Variants in ARHGEF28 observed in about 807,000 individuals in gnomAD.
The protein encoded by ARHGEF28 is Rho guanine nucleotide exchange factor 28, also known as 190 kDa guanine nucleotide exchange factor.
A neutral mutation model predicts 206.6 loss-of-function variants in ARHGEF28; 152 were observed. That is an observed-to-expected ratio of 0.74 (90% CI 0.64 to 0.84). The LOEUF (loss-of-function observed/expected upper bound fraction) is 0.84. Among genes scored for constraint, ARHGEF28 ranks in the 40% least tolerant of loss-of-function variants. The pLI is 0.00. For missense variants in ARHGEF28, 2,028 were observed against 2,073.2 expected (o/e 0.98, Z 0.42); for synonymous variants, 763 against 776.4 (o/e 0.98, Z 0.29).
intron 27 of ARHGEF28, 92 bp from the exon 28 acceptor site, chr5:73,893,105 A>G: frequency 1.9e-6 from 2 of 1,069,076 alleles, no homozygotes; most frequent in Non-Finnish European, 2.6e-6. Flanking sequence ...CTTTATGAAT[A>G]AATCTATTGC....
intron 22 of ARHGEF28, among the ~76,000 whole-genome samples, chr5:73,876,974 T>G (rs1417144995): frequency 4.8e-5 from 7 of 144,792 alleles, no homozygotes; most frequent in African/African-American, 1.8e-4. Flanking sequence ...TTCTATTGAT[T>G]GGAATAGTTT....
Position 73,904,269 on chromosome 5 carries a change from C to T in ARHGEF28, c.4113+9C>T. ...GTTCTTCACAATCAGAGGTGAGCTG[C>T]TGCACATACCTTAAATGTATCACCA... On this transcript the variant is annotated intron_variant, in intron 32 of 35. Transcript: ENST00000513042. The T allele has an allele frequency of 6.2e-7, 1 of 1,613,840 alleles. No individual in the cohort carries two copies. The highest frequency in any genetic ancestry group is 8.5e-7 in the Non-Finnish European group (1 of 1,179,764).
At chr5:73,819,229 T>C (rs1468386164) in intron 9 of ARHGEF28, among the ~76,000 whole-genome samples, 3 of 152,252 alleles carry the variant, frequency 2.0e-5, no homozygotes, top group Admixed American at 6.5e-5. Context: ...TGCCAAATGT[T>C]GCGCTGGCCT....
chr5:73,671,714 ATATATATATATATATATATATATATTTT>A (rs1746327484), intron 1 of ARHGEF28, among the ~76,000 whole-genome samples: 2 of 46,212 alleles, frequency 4.3e-5, no homozygotes, highest in East Asian at 1.4e-3. Context: ...ATATATATAT[ATATATATATATATATATATATATATTTT>A]TTTTTTTTTT....
In ARHGEF28 at chr5:73,873,143, A is replaced by G; in HGVS notation, c.2711A>G (p.His904Arg). ...TGTTTAGATGAGTTGCTTGAAATCC[A>G]CAGGCATTTCTTCTACAGTATGAAG... is the stretch of plus-strand genomic sequence containing the variant. The part of the protein sequence containing the change: ...FPCLDELLEI[H>R]RHFFYSMKER... Residue 904 changes from histidine (H) to arginine (R), a missense_variant, in exon 22 of 36, where the codon CAC (histidine) becomes CGC (arginine). Transcript: ENST00000513042. 6.2e-7 allele frequency: 1 copy of G among 1,612,898 alleles called. No individual in the cohort carries two copies. The highest frequency in any genetic ancestry group is 8.5e-7 in the Non-Finnish European group (1 of 1,179,484).
rs1754741022 is a variant in ARHGEF28, at chr5:73,795,400, T to C, written c.1024+9T>C. ...GCACAGCCTAGATTTGGGTATGAAA[T>C]AACGCTTTTACCTATACTCGTAGGG... On this transcript the variant is annotated intron_variant, in intron 9 of 35. Transcript: ENST00000513042. The C allele has an allele frequency of 6.2e-7, 1 of 1,610,764 alleles. No individual in the cohort carries two copies. The highest frequency in any genetic ancestry group is 1.3e-5 in the African/African-American group (1 of 74,844).
At position 73,867,896 on chromosome 5, in the gene ARHGEF28, C is replaced by T; in HGVS notation, c.2173C>T (p.Pro725Ser). 6.2e-7 allele frequency: 1 copy of T among 1,613,956 alleles called. No individual in the cohort carries two copies. Among genetic ancestry groups the T allele is most frequent in the Non-Finnish European group, 8.5e-7 (1 of 1,179,856 alleles). Reference protein sequence around the residue: ...ILGNSSFRDIPQPGLSLHPSS... With the variant: ...ILGNSSFRDISQPGLSLHPSS... ...TCCAGATTCTTCATTTAGAGACATCCCACAGCCTGGTCTCTCCTTGCACCC... is the reference window on the plus strand; with the variant it reads ...TCCAGATTCTTCATTTAGAGACATCTCACAGCCTGGTCTCTCCTTGCACCC... The change falls in exon 19 of 36, where the codon CCA becomes TCA. Residue 725 changes from proline (P) to serine (S), a missense_variant. This residue lies in a region of ARHGEF28 where 1,002 missense variants were observed against 1,015.3 expected (regional missense o/e 0.99). Transcript: ENST00000513042.
intron 7 of ARHGEF28, among the ~76,000 whole-genome samples, chr5:73,792,970 A>G (rs1754574509): frequency 6.6e-6 from 1 of 152,162 alleles, no homozygotes; most frequent in Non-Finnish European, 1.5e-5. Context: ...AAAGGCCGGC[A>G]GGGATGCTGT....
At chr5:73,674,969 A>G (rs375051494) in intron 1 of ARHGEF28, among the ~76,000 whole-genome samples, 6 of 152,290 alleles carry the variant, frequency 3.9e-5, no homozygotes, top group East Asian at 3.9e-4. Flanking sequence ...ATCCTTTATA[A>G]TAAACCAGTA....
chr5:73,787,344 A>C (rs1198464425), intron 7 of ARHGEF28, among the ~76,000 whole-genome samples: 1 of 152,206 alleles, frequency 6.6e-6, no homozygotes, highest in Non-Finnish European at 1.5e-5. Flanking sequence ...TTCAACAAAA[A>C]TCATACGCAG....
At chr5:73,712,524 C>T (rs1419247238) in intron 2 of ARHGEF28, among the ~76,000 whole-genome samples, 1 of 152,162 alleles carries the variant, frequency 6.6e-6, no homozygotes, top group African/African-American at 2.4e-5. Flanking sequence ...CCAGTGCAGG[C>T]ATATATCTTG....
At chr5:73,788,002 G>T (rs1016325984) in intron 7 of ARHGEF28, among the ~76,000 whole-genome samples, 1 of 152,046 alleles carries the variant, frequency 6.6e-6, no homozygotes, top group Admixed American at 6.5e-5. Flanking sequence ...AGATCATCTG[G>T]TTAAACCCAC....
At chr5:73,725,733 G>A (rs142731731) in intron 2 of ARHGEF28, among the ~76,000 whole-genome samples, 2 of 152,254 alleles carry the variant, frequency 1.3e-5, no homozygotes, top group East Asian at 1.9e-4. Context: ...GGGGTGTGGT[G>A]TAATTCATTC....
At chr5:73,821,628 C>G (rs1279204044) in intron 9 of ARHGEF28, among the ~76,000 whole-genome samples, 2 of 151,808 alleles carry the variant, frequency 1.3e-5, no homozygotes, top group African/African-American at 4.8e-5. Flanking sequence ...TCAGAGTCCG[C>G]CGCTTCATTT....
intron 2 of ARHGEF28, among the ~76,000 whole-genome samples, chr5:73,722,027 G>A (rs1258419228): frequency 7.2e-5 from 11 of 152,162 alleles, no homozygotes; most frequent in African/African-American, 2.4e-5. Context: ...ATATCTGGGA[G>A]CCTGTCAATT....
intron 9 of ARHGEF28, chr5:73,813,726 C>A: frequency 6.6e-7 from 1 of 1,504,646 alleles, no homozygotes. Flanking sequence ...ACATCCTATT[C>A]TTTCTTTTCC....
chr5:73,818,578 T>G (rs908305346), intron 9 of ARHGEF28, among the ~76,000 whole-genome samples: 5 of 152,138 alleles, frequency 3.3e-5, no homozygotes, highest in Non-Finnish European at 7.4e-5. Flanking sequence ...TAAGATTTCT[T>G]TGGCTCTCAA....
chr5:73,684,098 C>T (rs1394899477), intron 1 of ARHGEF28, among the ~76,000 whole-genome samples: 3 of 152,082 alleles, frequency 2.0e-5, no homozygotes, highest in African/African-American at 7.2e-5. Flanking sequence ...ACCATTTGAA[C>T]CATTTTTTCA....
At chr5:73,927,386 G>A (rs1298576992) in intron 35 of ARHGEF28, among the ~76,000 whole-genome samples, 1 of 152,020 alleles carries the variant, frequency 6.6e-6, no homozygotes, top group Non-Finnish European at 1.5e-5. Flanking sequence ...CCTTTCTTTA[G>A]GATCCAGTGC....
Sources: allele counts gnomAD v4.1 joint callset (sites outside exome capture counted in the v4.1 genomes callset), GRCh38; gene constraint gnomAD v4.1.1; regional missense constraint gnomAD v4.1.1; transcripts MANE v1.5; gene names NCBI Gene and HGNC (gene_info 2026-07-23, HGNC 2026-07-21).